The following TAF4B variants were observed in gnomAD, a reference collection of about 807,000 sequenced individuals.
TAF4B encodes TATA-box binding protein associated factor 4b.
A neutral mutation model predicts 86.4 loss-of-function variants in TAF4B; 38 were observed. The observed-to-expected ratio is 0.44, with a 90% CI of 0.34 to 0.58. The LOEUF is 0.58. TAF4B is among the 20% of genes least tolerant of loss of function. The pLI, the probability that TAF4B is intolerant of heterozygous loss-of-function variation, is 0.02. For synonymous variants in TAF4B, 388 were observed against 391.2 expected (o/e 0.99, Z 0.10); for missense variants, 988 against 1,027.6 (o/e 0.96, Z 0.53).
At chr18:26,335,826 T>C (rs906300890) in intron 13 of TAF4B, among the ~76,000 whole-genome samples, 2 of 152,282 alleles carry the variant, frequency 1.3e-5, no homozygotes, top group Admixed American at 1.3e-4. Context: ...ATAAGTTCAT[T>C]TATGTCTGCA....
At chr18:26,320,631 A>C (rs1204955837) in intron 10 of TAF4B, among the ~76,000 whole-genome samples, 1 of 152,242 alleles carries the variant, frequency 6.6e-6, no homozygotes, top group Non-Finnish European at 1.5e-5. Flanking sequence ...AGGCATTAAC[A>C]GAGACTCATA....
At chr18:26,228,760 G>A (rs984113607) in intron 1 of TAF4B, among the ~76,000 whole-genome samples, 6 of 152,038 alleles carry the variant, frequency 3.9e-5, no homozygotes, top group Non-Finnish European at 8.8e-5. Context: ...GTGAGACTCT[G>A]TTCCTCCCCA....
intron 1 of TAF4B, among the ~76,000 whole-genome samples, chr18:26,242,059 C>T (rs1449840968): frequency 5.3e-5 from 8 of 152,148 alleles, no homozygotes; most frequent in Admixed American, 2.6e-4. Flanking sequence ...AATGTATATT[C>T]TGTTGATTTG....
intron 13 of TAF4B, among the ~76,000 whole-genome samples, chr18:26,357,362 A>G (rs779658834): frequency 6.6e-5 from 10 of 152,224 alleles, no homozygotes; most frequent in South Asian, 2.1e-4. Context: ...AGTTTGACCA[A>G]TCTCTCTCTG....
intron 10 of TAF4B, among the ~76,000 whole-genome samples, chr18:26,319,714 C>T (rs887066960): frequency 1.3e-5 from 2 of 152,030 alleles, no homozygotes; most frequent in African/African-American, 2.4e-5. Context: ...CTCAACCTCT[C>T]GTGTAGCTCG....
chr18:26,313,002 C>T (rs1159351226), intron 9 of TAF4B, among the ~76,000 whole-genome samples: 1 of 152,142 alleles, frequency 6.6e-6, no homozygotes, highest in East Asian at 1.9e-4. Context: ...CTTCCTATCC[C>T]TGGTTTTGTA....
At chr18:26,319,681 C>T (rs569872169) in intron 10 of TAF4B, among the ~76,000 whole-genome samples, 9 of 152,186 alleles carry the variant, frequency 5.9e-5, no homozygotes, top group Admixed American at 2.0e-4. Flanking sequence ...TTTCCGCCTC[C>T]CAGGTACAAG....
At chr18:26,284,779 G>A (rs1351162988) in intron 6 of TAF4B, among the ~76,000 whole-genome samples, 1 of 152,076 alleles carries the variant, frequency 6.6e-6, no homozygotes, top group Non-Finnish European at 1.5e-5. Context: ...TGAGGCAGGA[G>A]AATCTCTTGA....
chr18:26,246,173 A>G (rs1313789221), intron 1 of TAF4B, among the ~76,000 whole-genome samples: 1 of 152,218 alleles, frequency 6.6e-6, no homozygotes, highest in Non-Finnish European at 1.5e-5. Context: ...GTAAGAATAT[A>G]TGAGCATTGA....
intron 1 of TAF4B, among the ~76,000 whole-genome samples, chr18:26,246,527 C>T (rs773292624): frequency 3.4e-5 from 5 of 148,042 alleles, no homozygotes; most frequent in Admixed American, 6.8e-5. Context: ...TTATTAATCT[C>T]ATTGTTTTTG....
intron 14 of TAF4B, 107 bp from the exon 15 acceptor site, chr18:26,389,738 C>T: frequency 1.8e-5 from 21 of 1,189,006 alleles, no homozygotes; most frequent in Non-Finnish European, 2.5e-5. Context: ...TCTCCAGTAC[C>T]TAACCCAGTG....
chr18:26,243,812 C>G lies in TAF4B; in HGVS notation c.343+16536C>G, dbSNP rs60719168. On this transcript the variant is annotated intron_variant, in intron 1 of 14. Coordinates refer to ENST00000269142, the MANE Select transcript of TAF4B (RefSeq NM_005640.3). ...AGTTTTCCTTCTAACAGTCAGGACC[C>G]TCAGCTGCAGGTCTGTTGGAGTTTG... Among the ~76,000 whole-genome samples, 1,085 of 152,306 alleles carry G rather than the reference C, an allele frequency of 7.1e-3. 6 individuals are homozygous for G. The highest frequency in any genetic ancestry group is 0.024 in the African/African-American group (1,001 of 41,546).
At chr18:26,270,937 A>G (rs528462889) in intron 3 of TAF4B, among the ~76,000 whole-genome samples, 8 of 152,340 alleles carry the variant, frequency 5.3e-5, no homozygotes, top group South Asian at 2.1e-4. Context: ...TAAAATGCTC[A>G]TGTTAATCTG....
chr18:26,346,787 A>ATC (rs2057188403), intron 13 of TAF4B, among the ~76,000 whole-genome samples: 1 of 24,132 alleles, frequency 4.1e-5, no homozygotes, highest in African/African-American at 9.0e-5. Flanking sequence ...GTGTGTATAT[A>ATC]TATATATATA....
At chr18:26,288,101 G>C (rs1319516334) in intron 7 of TAF4B, among the ~76,000 whole-genome samples, 2 of 152,158 alleles carry the variant, frequency 1.3e-5, no homozygotes, top group Non-Finnish European at 2.9e-5. Flanking sequence ...CCAAGGAAAG[G>C]CCTCTTTTTG....
chr18:26,383,333 CAGA>C (rs960796162), intron 14 of TAF4B, among the ~76,000 whole-genome samples: 2 of 152,008 alleles, frequency 1.3e-5, no homozygotes, highest in African/African-American at 4.8e-5. Flanking sequence ...GTAATCTAGG[CAGA>C]AGATAATGGA....
chr18:26,285,231 T>TTGTTTTTTTTTTTTTTTTTTTG (rs1568127647), intron 6 of TAF4B, among the ~76,000 whole-genome samples: 1 of 125,972 alleles, frequency 7.9e-6, no homozygotes, highest in South Asian at 2.7e-4. Flanking sequence ...TGTTTTTTTT[T>TTGTTTTTTTTTTTTTTTTTTTG]TTTTTGGAGA....
intron 9 of TAF4B, 64 bp from the exon 10 acceptor site, chr18:26,315,153 TCTCTCTCTCACA>T (rs2056895608): frequency 4.5e-5 from 21 of 467,374 alleles, no homozygotes; most frequent in East Asian, 4.1e-4. Context: ...TCTGTCTCTC[TCTCTCTCTCACA>T]CACACACACA....
At chr18:26,240,346 A>G (rs1309098795) in intron 1 of TAF4B, among the ~76,000 whole-genome samples, 3 of 152,170 alleles carry the variant, frequency 2.0e-5, no homozygotes, top group Non-Finnish European at 4.4e-5. Flanking sequence ...CTTTGAAGCA[A>G]TTGTGAATGG....
Sources: gnomAD v4.1 joint callset for allele counts (sites outside exome capture counted in the v4.1 genomes callset) on GRCh38, gnomAD v4.1.1 for gene constraint, MANE v1.5 for transcripts, NCBI Gene and HGNC (gene_info 2026-07-23, HGNC 2026-07-21) for gene names.